The following TMEM87A variants were observed in gnomAD, a reference collection of about 807,000 sequenced individuals.
TMEM87A encodes transmembrane protein 87A.
Under a neutral mutation model 90.0 loss-of-function variants are expected in TMEM87A, and 50 were observed. The observed-to-expected ratio is 0.56, with a 90% CI of 0.44 to 0.70. The LOEUF (loss-of-function observed/expected upper bound fraction) is 0.70, where lower values mean the gene tolerates loss of function less well. Among genes scored for constraint, TMEM87A ranks in the 30% least tolerant of loss-of-function variants. TMEM87A has a pLI of 0.00. For synonymous variants in TMEM87A, 226 were observed against 226.7 expected (o/e 1.00, Z 0.03); for missense variants, 577 against 660.5 (o/e 0.87, Z 1.39).
intron 12 of TMEM87A, among the ~76,000 whole-genome samples, chr15:42,229,756 A>C (rs1305653036): frequency 6.6e-6 from 1 of 152,170 alleles, no homozygotes; most frequent in Non-Finnish European, 1.5e-5. Context: ...CATTATTCTC[A>C]AGTAGAAGTT....
intron 3 of TMEM87A, among the ~76,000 whole-genome samples, chr15:42,266,112 G>A (rs916572299): frequency 6.6e-6 from 1 of 152,192 alleles, no homozygotes; most frequent in Non-Finnish European, 1.5e-5. Flanking sequence ...ACAGTTTGAA[G>A]TCAGGTAATG....
At chr15:42,235,555 C>T (rs2050754860) in intron 10 of TMEM87A, among the ~76,000 whole-genome samples, 1 of 152,168 alleles carries the variant, frequency 6.6e-6, no homozygotes, top group Non-Finnish European at 1.5e-5. Context: ...TCCTTAATTC[C>T]TCTTCTCTTT....
intron 3 of TMEM87A, among the ~76,000 whole-genome samples, chr15:42,264,697 A>ATTTTTT (rs199888603): frequency 3.0e-4 from 5 of 16,682 alleles, no homozygotes; most frequent in African/African-American, 3.8e-4. Context: ...ATATATATAT[A>ATTTTTT]TATTTTTTTT....
intron 15 of TMEM87A, among the ~76,000 whole-genome samples, chr15:42,226,206 G>A (rs2050588600): frequency 6.6e-6 from 1 of 151,740 alleles, no homozygotes; most frequent in African/African-American, 2.4e-5. Context: ...CGCCACGGTG[G>A]TCAGGCTGGT....
chr15:42,259,273 C>T (rs1458657324), intron 6 of TMEM87A, among the ~76,000 whole-genome samples: 1 of 152,138 alleles, frequency 6.6e-6, no homozygotes, highest in Non-Finnish European at 1.5e-5. Context: ...CAGGCGTGCA[C>T]CACCACACCT....
chr15:42,219,715 ACTTTTT>A (rs2050440204), intron 16 of TMEM87A, 73 bp from the exon 17 acceptor site: 1 of 1,048,804 alleles, frequency 9.5e-7, no homozygotes, highest in South Asian at 1.6e-5. Context: ...CGGATTCAGA[ACTTTTT>A]CTTTTTTTAA....
In TMEM87A at chr15:42,210,935, A is replaced by G. The variant is rs2050273192; in HGVS notation, c.*773T>C. The G allele has an allele frequency of 6.5e-6, 1 of 152,678 alleles. No individual in the cohort carries two copies. Among genetic ancestry groups the G allele is most frequent in the African/African-American group, 2.4e-5 (1 of 41,456 alleles). 9.5% of individuals were successfully genotyped at this position (152,678 alleles called of 1,614,324 possible). A position where few individuals can be genotyped will look rare whatever the true frequency, so the allele number is the denominator to read the frequency against. ...GCAATGCCACCCTTGGAGGCTTACA[A>G]AACAGTAGTTAAAAGTTTCGGAGTG... On this transcript the variant is annotated 3_prime_UTR_variant, in exon 20 of 20. Transcript: ENST00000389834.
intron 19 of TMEM87A, among the ~76,000 whole-genome samples, chr15:42,214,635 A>C (rs2050350824): frequency 6.6e-6 from 1 of 152,222 alleles, no homozygotes; most frequent in Non-Finnish European, 1.5e-5. Context: ...CATGAGAAAG[A>C]ATGAAAGTAA....
intron 15 of TMEM87A, among the ~76,000 whole-genome samples, chr15:42,221,269 G>C (rs8042281): frequency 0.087 from 9,845 of 113,042 alleles, 942 homozygotes; most frequent in African/African-American, 0.24. Flanking sequence ...GAGAGACAGA[G>C]ACAGAGAGAG....
intron 8 of TMEM87A, 24 bp from the exon 9 acceptor site, chr15:42,237,639 T>C (rs1004352135): frequency 9.8e-6 from 15 of 1,532,530 alleles, no homozygotes; most frequent in African/African-American, 5.6e-5. Context: ...GGGTAAAAGA[T>C]AAAAAGGAGA....
rs574901456 is a variant in TMEM87A at position 42,223,590 on chromosome 15, G to A, written c.1403+3216C>T. Among the ~76,000 whole-genome samples the A allele has an allele frequency of 7.9e-5, 12 of 152,204 alleles. No homozygotes were observed. In the East Asian group the frequency reaches 2.1e-3, roughly 27 times the overall value. On this transcript the variant is annotated intron_variant, in intron 15 of 19. Transcript: ENST00000389834. Reference sequence around the variant, plus strand: ...GTTACATAAAGGGTTTTCTGGAGTGGGCTCTCCCTTTTGCCCTTCCACCTT... The same window carrying A: ...GTTACATAAAGGGTTTTCTGGAGTGAGCTCTCCCTTTTGCCCTTCCACCTT...
At chr15:42,264,007 A>C in intron 4 of TMEM87A, 83 bp downstream of exon 4, 1 of 974,306 alleles carries the variant, frequency 1.0e-6, no homozygotes, top group Non-Finnish European at 1.6e-6. Context: ...AATACTTGAG[A>C]AGTCGGAAGT....
chr15:42,273,555 G>C (rs559472323), upstream of TMEM87A: 2 of 1,318,510 alleles, frequency 1.5e-6, no homozygotes, highest in East Asian at 2.5e-5. Flanking sequence ...TCAGACAGTC[G>C]TCTGTGCGCC....
chr15:42,258,796 C>G, intron 6 of TMEM87A: 2 of 1,450,884 alleles, frequency 1.4e-6, no homozygotes, highest in Non-Finnish European at 1.8e-6. Flanking sequence ...AGTTAAAATT[C>G]TGTACAAATA....
chr15:42,212,499 G>A (rs1008766218), intron 19 of TMEM87A, among the ~76,000 whole-genome samples: 13 of 151,952 alleles, frequency 8.6e-5, no homozygotes, highest in Non-Finnish European at 1.8e-4. Flanking sequence ...CAAGCCTGGT[G>A]CCCAGCTGCC....
At chr15:42,252,431 T>TG (rs2051104264) in intron 6 of TMEM87A, among the ~76,000 whole-genome samples, 1 of 152,212 alleles carries the variant, frequency 6.6e-6, no homozygotes, top group African/African-American at 2.4e-5. Context: ...TTTATGAACA[T>TG]ACAACATTTT....
chr15:42,211,581 C>A lies in TMEM87A; in HGVS notation c.*127G>T. The A allele has an allele frequency of 1.1e-6, 1 of 926,352 alleles. No homozygotes were observed. Among genetic ancestry groups the A allele is most frequent in the Non-Finnish European group, 1.6e-6 (1 of 613,536 alleles). The allele number at this position is 926,352 out of a possible 1,614,324, so 57.4% of individuals were successfully genotyped here. The stretch of plus-strand genomic sequence containing the variant: ...GACACCTCTCGCCAACTCCAATGCC[C>A]AAAGATCAAGGAACAGATCAGGATG... On this transcript the variant is annotated 3_prime_UTR_variant, in exon 20 of 20. Coordinates refer to ENST00000389834, the MANE Select transcript of TMEM87A (RefSeq NM_015497.5).
At chr15:42,226,651 G>A in intron 15 of TMEM87A, 155 bp downstream of exon 15, 1 of 663,990 alleles carries the variant, frequency 1.5e-6, no homozygotes, top group Non-Finnish European at 2.6e-6. Context: ...ATGAAGTTAA[G>A]AGGAGAGCTG....
intron 6 of TMEM87A, chr15:42,257,918 C>T (rs1595742279): frequency 1.0e-6 from 1 of 983,990 alleles, no homozygotes; most frequent in Non-Finnish European, 1.2e-6. Context: ...TGTAATCACA[C>T]CAAACTGCTA....
Sources: gnomAD v4.1 joint callset for allele counts (sites outside exome capture counted in the v4.1 genomes callset) on GRCh38, gnomAD v4.1.1 for gene constraint, MANE v1.5 for transcripts, NCBI Gene and HGNC (gene_info 2026-07-23, HGNC 2026-07-21) for gene names.